The following ASIC2 variants were observed in gnomAD, a reference collection of about 807,000 sequenced individuals.
ASIC2 encodes the protein acid sensing ion channel subunit 2.
ASIC2 carries 25 observed loss-of-function variants against 57.3 expected under a neutral mutation model. The observed-to-expected ratio is 0.44, with a 90% CI of 0.32 to 0.61. The LOEUF (loss-of-function observed/expected upper bound fraction) is 0.61, where lower values mean the gene tolerates loss of function less well. ASIC2 is among the 20% of genes least tolerant of loss of function. The pLI is 0.06. For missense variants in ASIC2, 641 were observed against 738.1 expected, an observed-to-expected ratio of 0.87 and a Z score of 1.52; for synonymous variants, 319 against 307.5, an observed-to-expected ratio of 1.04 and a Z score of -0.39.
In ASIC2 at chr17:33,621,860, A is replaced by G. The variant is rs549802312; in HGVS notation, c.556-509793T>C. 2.6e-5 allele frequency among the ~76,000 whole-genome samples: 4 copies of G among 152,020 alleles called. No homozygotes were observed. The South Asian group carries it at 6.2e-4, about 24-fold the overall frequency. ...TCTAAATCTTCCACTAAAATCTTCTATTTTTCTGTGACTTTAAACAAGGTA... is the reference window on the plus strand; with the variant it reads ...TCTAAATCTTCCACTAAAATCTTCTGTTTTTCTGTGACTTTAAACAAGGTA... On this transcript the variant is annotated intron_variant, in intron 1 of 9. Transcript: ENST00000359872.
chr17:34,046,717 G>T (rs185147128), intron 1 of ASIC2, among the ~76,000 whole-genome samples: 3 of 152,332 alleles, frequency 2.0e-5, no homozygotes, highest in Non-Finnish European at 4.4e-5. Context: ...CATAGCAGCT[G>T]GGACTTAGAA....
At chr17:33,087,681 A>C (rs1457665262) in intron 3 of ASIC2, among the ~76,000 whole-genome samples, 1 of 146,430 alleles carries the variant, frequency 6.8e-6, no homozygotes, top group Admixed American at 6.9e-5. Flanking sequence ...CCCACCTCCA[A>C]CCGCCCAAGT....
chr17:33,516,357 T>TGTGTGA (rs746309349), intron 1 of ASIC2, among the ~76,000 whole-genome samples: 2 of 151,402 alleles, frequency 1.3e-5, no homozygotes, highest in Admixed American at 1.3e-4. Flanking sequence ...TGTGTGTGTG[T>TGTGTGA]GTGTGAGTGT....
chr17:33,144,333 T>G (rs1001715793), intron 1 of ASIC2, among the ~76,000 whole-genome samples: 1 of 148,412 alleles, frequency 6.7e-6, no homozygotes, highest in East Asian at 2.0e-4. Context: ...AGAACAAGAG[T>G]GGGGGAGAAA....
At chr17:33,439,617 T>G (rs1328266379) in intron 1 of ASIC2, among the ~76,000 whole-genome samples, 1 of 152,192 alleles carries the variant, frequency 6.6e-6, no homozygotes, top group Non-Finnish European at 1.5e-5. Flanking sequence ...TCAGGCATGT[T>G]GAAATCAAGG....
intron 1 of ASIC2, among the ~76,000 whole-genome samples, chr17:33,229,904 G>T (rs944424741): frequency 6.6e-6 from 1 of 152,224 alleles, no homozygotes; most frequent in Non-Finnish European, 1.5e-5. Flanking sequence ...GGCAACCACT[G>T]GTGGGATTCT....
chr17:33,128,929 TTC>T (rs1461514021), intron 1 of ASIC2, among the ~76,000 whole-genome samples: 1 of 152,230 alleles, frequency 6.6e-6, no homozygotes, highest in Admixed American at 6.5e-5. Flanking sequence ...CCATATATTT[TTC>T]TCTCTTTGCT....
intron 1 of ASIC2, among the ~76,000 whole-genome samples, chr17:34,086,345 G>A (rs570719641): frequency 7.9e-5 from 12 of 152,142 alleles, no homozygotes; most frequent in South Asian, 2.1e-4. Flanking sequence ...GTAGTTGAGC[G>A]GTTTTGAGTG....
chr17:33,582,916 AGTT>A (rs1352065286), intron 1 of ASIC2, among the ~76,000 whole-genome samples: 1 of 151,268 alleles, frequency 6.6e-6, no homozygotes, highest in Admixed American at 6.6e-5. Flanking sequence ...AAAGCCCTGT[AGTT>A]CTCACTGTTG....
At chr17:33,059,632 G>A (rs138560452) in intron 3 of ASIC2, among the ~76,000 whole-genome samples, 2,399 of 152,262 alleles carry the variant, frequency 0.016, 51 homozygotes, top group African/African-American at 0.053. Flanking sequence ...GTGTGCATGT[G>A]TCTTTATAGC....
intron 2 of ASIC2, among the ~76,000 whole-genome samples, chr17:33,098,732 A>C (rs573169839): frequency 6.6e-6 from 1 of 152,238 alleles, no homozygotes; most frequent in South Asian, 2.1e-4. Flanking sequence ...TCCGAGTGTT[A>C]CCCAAAGCAA....
chr17:34,012,933 T>C (rs1018814046), intron 1 of ASIC2, among the ~76,000 whole-genome samples: 3 of 152,098 alleles, frequency 2.0e-5, no homozygotes, highest in African/African-American at 4.8e-5. Context: ...GAAAGCACCA[T>C]TTTCTCAGGG....
intron 1 of ASIC2, among the ~76,000 whole-genome samples, chr17:33,865,759 T>TAAAAAAAAAAAAAAAAAAAAAAA (rs61218521): frequency 1.6e-5 from 2 of 122,092 alleles, no homozygotes; most frequent in African/African-American, 3.1e-5. Flanking sequence ...AAAAAAAAAA[T>TAAAAAAAAAAAAAAAAAAAAAAA]AAAAAAAAAA....
At chr17:33,049,227 CTTCT>C in intron 3 of ASIC2, among the ~76,000 whole-genome samples, 1 of 152,286 alleles carries the variant, frequency 6.6e-6, no homozygotes, top group Non-Finnish European at 1.5e-5. Flanking sequence ...AACACAGTGA[CTTCT>C]TTGTCAATAT....
chr17:34,010,891 T>C (rs1906693934), intron 1 of ASIC2, among the ~76,000 whole-genome samples: 1 of 151,942 alleles, frequency 6.6e-6, no homozygotes, highest in Non-Finnish European at 1.5e-5. Context: ...GAGTGTTGTC[T>C]TAATTAATGC....
chr17:34,025,660 T>C (rs1321041012), intron 1 of ASIC2, among the ~76,000 whole-genome samples: 3 of 152,210 alleles, frequency 2.0e-5, no homozygotes, highest in African/African-American at 7.2e-5. Flanking sequence ...ACAAAGCCAA[T>C]GTAATAGCAG....
chr17:33,521,507 T>A (rs1466192368), intron 1 of ASIC2, among the ~76,000 whole-genome samples: 1 of 152,128 alleles, frequency 6.6e-6, no homozygotes, highest in Non-Finnish European at 1.5e-5. Flanking sequence ...AGTAGCCACA[T>A]GACCAAGGAG....
chr17:33,779,444 G>A (rs1053342481), intron 1 of ASIC2, among the ~76,000 whole-genome samples: 1 of 152,160 alleles, frequency 6.6e-6, no homozygotes, highest in Admixed American at 6.5e-5. Flanking sequence ...TCTGTAAGAA[G>A]CTTTATCCCT....
intron 1 of ASIC2, among the ~76,000 whole-genome samples, chr17:33,121,564 G>T (rs2092302232): frequency 6.6e-6 from 1 of 152,186 alleles, no homozygotes; most frequent in Admixed American, 6.5e-5. Context: ...CCATGCTAAT[G>T]CTTTCAGAAA....
Sources: allele counts gnomAD v4.1 joint callset (sites outside exome capture counted in the v4.1 genomes callset), GRCh38; gene constraint gnomAD v4.1.1; transcripts MANE v1.5; gene names NCBI Gene and HGNC (gene_info 2026-07-23, HGNC 2026-07-21).